The following UVRAG variants were observed in gnomAD, a reference collection of about 807,000 sequenced individuals.
UVRAG encodes UV radiation resistance-associated gene protein.
Under a neutral mutation model 78.0 loss-of-function variants are expected in UVRAG, and 19 were observed. That is an observed-to-expected ratio of 0.24 (90% CI 0.17 to 0.36). The LOEUF is 0.36. UVRAG is among the 10% of genes least tolerant of loss of function. The pLI, the probability that UVRAG is intolerant of heterozygous loss-of-function variation, is 1.00. For synonymous variants in UVRAG, 323 were observed against 324.6 expected, an observed-to-expected ratio of 1.00 and a Z score of 0.05; for missense variants, 740 against 853.8, an observed-to-expected ratio of 0.87 and a Z score of 1.66.
chr11:75,887,673 T>G (rs1266920535), intron 4 of UVRAG, among the ~76,000 whole-genome samples: 1 of 151,122 alleles, frequency 6.6e-6, no homozygotes, highest in African/African-American at 2.4e-5. Flanking sequence ...GGTCTCGATC[T>G]CCTGACCTCG....
intron 13 of UVRAG, among the ~76,000 whole-genome samples, chr11:76,089,327 T>C (rs1951652640): frequency 6.6e-6 from 1 of 152,212 alleles, no homozygotes; most frequent in African/African-American, 2.4e-5. Flanking sequence ...CTGACAAATA[T>C]TTTCAAAGTG....
intron 12 of UVRAG, among the ~76,000 whole-genome samples, chr11:76,054,066 T>C (rs1591181401): frequency 1.3e-5 from 2 of 152,122 alleles, no homozygotes; most frequent in South Asian, 4.1e-4. Flanking sequence ...CATAGTCTGG[T>C]ACCTGCTGAT....
At chr11:75,855,014 C>T (rs769853233) in intron 2 of UVRAG, among the ~76,000 whole-genome samples, 8 of 151,930 alleles carry the variant, frequency 5.3e-5, no homozygotes, top group Admixed American at 2.6e-4. Context: ...CAGTACTTAG[C>T]GCATTTTGGG....
intron 13 of UVRAG, among the ~76,000 whole-genome samples, chr11:76,090,511 G>C (rs1295937688): frequency 6.6e-6 from 1 of 152,128 alleles, no homozygotes; most frequent in African/African-American, 2.4e-5. Context: ...ATGGCTACCT[G>C]CAGGCTGCAA....
At chr11:75,962,593 C>A (rs2135207679) in intron 7 of UVRAG, among the ~76,000 whole-genome samples, 1 of 152,274 alleles carries the variant, frequency 6.6e-6, no homozygotes, top group East Asian at 1.9e-4. Context: ...ATTCACTTGA[C>A]TTTCCTTGTC....
At chr11:75,828,599 C>T (rs1377985122) in intron 1 of UVRAG, among the ~76,000 whole-genome samples, 1 of 150,936 alleles carries the variant, frequency 6.6e-6, no homozygotes, top group African/African-American at 2.4e-5. Flanking sequence ...CTGCCTTAGC[C>T]TCCTGAGTAG....
chr11:76,059,032 G>A lies in UVRAG; in HGVS notation c.1227-6678G>A, dbSNP rs555348821. Among the ~76,000 whole-genome samples, 23 of 152,336 alleles carry A rather than the reference G, an allele frequency of 1.5e-4. No individual in the cohort carries two copies. In the South Asian group the frequency reaches 4.6e-3, roughly 30 times the overall value. Reference sequence around the variant, plus strand: ...AGATCACTTAGGCCTCGAAAGGTAGGCAGAGGAGTTGAAATTTAAAACAAT... The same window carrying A: ...AGATCACTTAGGCCTCGAAAGGTAGACAGAGGAGTTGAAATTTAAAACAAT... On this transcript the variant is annotated intron_variant, in intron 12 of 14. Coordinates refer to ENST00000356136, the MANE Select transcript of UVRAG (RefSeq NM_003369.4).
intron 2 of UVRAG, among the ~76,000 whole-genome samples, chr11:75,858,136 T>G (rs181883695): frequency 6.7e-6 from 1 of 149,152 alleles, no homozygotes; most frequent in East Asian, 1.9e-4. Context: ...AATTTAATTT[T>G]TTAATAGGTA....
intron 12 of UVRAG, among the ~76,000 whole-genome samples, chr11:76,043,082 G>A (rs1950681462): frequency 6.6e-6 from 1 of 152,114 alleles, no homozygotes; most frequent in Non-Finnish European, 1.5e-5. Context: ...TCCCTGAATT[G>A]GTAAACAAAG....
chr11:75,861,749 T>C lies in UVRAG; in HGVS notation c.239T>C (p.Phe80Ser), dbSNP rs1278423471. Reference protein sequence around the residue: ...LCSTEKIYKEFYRSEVIKNSL... With the variant: ...LCSTEKIYKESYRSEVIKNSL... ...GTTCTTTTTTCTTCTTTTCCAGAATTTTATAGAAGTGAAGTGATTAAGAAT... is the reference window on the plus strand; with the variant it reads ...GTTCTTTTTTCTTCTTTTCCAGAATCTTATAGAAGTGAAGTGATTAAGAAT... The change falls in exon 3 of 15, where the codon TTT becomes TCT. Residue 80 changes from phenylalanine (F) to serine (S), a missense_variant. Phe to Ser is a radical substitution (Grantham distance 155). Transcript: ENST00000356136. 6.2e-7 allele frequency: 1 copy of C among 1,606,346 alleles called. No homozygotes were observed. The highest frequency in any genetic ancestry group is 8.5e-7 in the Non-Finnish European group (1 of 1,174,346).
chr11:75,999,561 A>G (rs1377761052), intron 8 of UVRAG, among the ~76,000 whole-genome samples: 1 of 151,788 alleles, frequency 6.6e-6, no homozygotes, highest in Non-Finnish European at 1.5e-5. Context: ...TTGTATTTTT[A>G]GTAGAGACGG....
chr11:75,841,912 G>T (rs1232485069), intron 1 of UVRAG, among the ~76,000 whole-genome samples: 1 of 152,164 alleles, frequency 6.6e-6, no homozygotes, highest in African/African-American at 2.4e-5. Flanking sequence ...TCAGAAATCT[G>T]CAGTTTGGTC....
chr11:75,937,687 A>G (rs149718826), intron 6 of UVRAG, among the ~76,000 whole-genome samples: 23 of 152,142 alleles, frequency 1.5e-4, no homozygotes, highest in Non-Finnish European at 2.2e-4. Flanking sequence ...TTGCAAGGCA[A>G]TTTGATTCTG....
At chr11:75,961,647 T>G in intron 7 of UVRAG, 98 bp downstream of exon 7, 1 of 869,602 alleles carries the variant, frequency 1.1e-6, no homozygotes, top group South Asian at 2.1e-5. Flanking sequence ...TTAGATCGTT[T>G]TTATCTTCTT....
chr11:75,877,121 C>A (rs1946803488), intron 3 of UVRAG, among the ~76,000 whole-genome samples: 1 of 151,778 alleles, frequency 6.6e-6, no homozygotes, highest in East Asian at 1.9e-4. Context: ...TCCATTTAAC[C>A]CTGAGTGGAC....
At chr11:76,075,468 C>G (rs1320820258) in intron 13 of UVRAG, among the ~76,000 whole-genome samples, 1 of 151,978 alleles carries the variant, frequency 6.6e-6, no homozygotes, top group Non-Finnish European at 1.5e-5. Flanking sequence ...CAAAAATTAG[C>G]CGGGCAGGGT....
At chr11:75,856,092 C>T (rs1946283391) in intron 2 of UVRAG, among the ~76,000 whole-genome samples, 2 of 152,146 alleles carry the variant, frequency 1.3e-5, no homozygotes, top group South Asian at 4.1e-4. Flanking sequence ...TGGGTTCAGA[C>T]CATTCTCCTG....
chr11:76,141,658 TTG>T lies in UVRAG; in HGVS notation c.*246_*247del. 5.7e-6 allele frequency: 3 copies of T among 522,908 alleles called. No individual in the cohort carries two copies. The highest frequency in any genetic ancestry group is 1.9e-5 in the African/African-American group (1 of 52,630). The allele number at this position is 522,908 out of a possible 1,614,324, so 32.4% of individuals were successfully genotyped here. A position where few individuals can be genotyped will look rare whatever the true frequency, so the allele number is the denominator to read the frequency against. On this transcript the variant is annotated 3_prime_UTR_variant, in exon 15 of 15. Transcript: ENST00000356136. ...TTTTAAAGCAAAAATCACCCTCTAGTTGAAAGAGCTTACAGCTCGAGTCACCT... is the reference window on the plus strand; with the variant it reads ...TTTTAAAGCAAAAATCACCCTCTAGTAAAGAGCTTACAGCTCGAGTCACCT...
At chr11:76,036,710 A>G (rs1403175642) in intron 12 of UVRAG, among the ~76,000 whole-genome samples, 4 of 152,070 alleles carry the variant, frequency 2.6e-5, no homozygotes, top group Non-Finnish European at 5.9e-5. Context: ...CAAGAAAGAA[A>G]TATTCAAAAC....
Sources: gnomAD v4.1 joint callset for allele counts (sites outside exome capture counted in the v4.1 genomes callset) on GRCh38, gnomAD v4.1.1 for gene constraint, MANE v1.5 for transcripts, NCBI Gene and HGNC (gene_info 2026-07-23, HGNC 2026-07-21) for gene names.